Variants in ABCA13 observed in about 807,000 individuals in gnomAD.
ABCA13 encodes the protein ATP binding cassette subfamily A member 13.
A neutral mutation model predicts 478.7 loss-of-function variants in ABCA13; 476 were observed. That is an observed-to-expected ratio of 0.99 (90% CI 0.92 to 1.07). The LOEUF (loss-of-function observed/expected upper bound fraction) is 1.07, where lower values mean the gene tolerates loss of function less well. Among genes scored for constraint, ABCA13 ranks in the 50% least tolerant of loss-of-function variants. The probability of loss-of-function intolerance (pLI) is 0.00; values close to 1 mark genes in which losing one functional copy is unlikely to be tolerated. For synonymous variants in ABCA13, 2,252 were observed against 2,158.9 expected, an observed-to-expected ratio of 1.04 and a Z score of -1.20; for missense variants, 6,060 against 5,910.6, an observed-to-expected ratio of 1.03 and a Z score of -0.83.
intron 29 of ABCA13, among the ~76,000 whole-genome samples, chr7:48,345,158 TAA>T (rs1807871260): frequency 6.6e-6 from 1 of 152,232 alleles, no homozygotes; most frequent in African/African-American, 2.4e-5. Context: ...GATGTTGGTG[TAA>T]ACAAACCTAC....
Position 48,341,912 on chromosome 7 carries a change from TACTC to T in ABCA13, c.10204+3459_10204+3462del, listed in dbSNP as rs1199068115. Among the ~76,000 whole-genome samples the T allele has an allele frequency of 4.2e-4, 59 of 141,264 alleles. 1 individual carries two copies. The highest frequency in any genetic ancestry group is 1.5e-3 in the Admixed American group (21 of 14,160). 92.7% of individuals were successfully genotyped at this position (141,264 alleles called of 152,430 possible). The stretch of plus-strand genomic sequence containing the variant: ...TATATATATCTTTCTGATATATATA[TACTC>T]ATATATATATACTCATATATATATA... On this transcript the variant is annotated intron_variant, in intron 29 of 61. Transcript: ENST00000435803.
At chr7:48,366,441 A>C (rs1165596807) in intron 31 of ABCA13, among the ~76,000 whole-genome samples, 1 of 151,982 alleles carries the variant, frequency 6.6e-6, no homozygotes, top group Non-Finnish European at 1.5e-5. Context: ...GATATTATGC[A>C]TCTCTGTTTT....
intron 50 of ABCA13, among the ~76,000 whole-genome samples, chr7:48,510,174 A>T (rs542612833): frequency 1.7e-4 from 1 of 5,728 alleles, no homozygotes; most frequent in South Asian, 0.014. Context: ...AATGCGCAGG[A>T]TACAGTTGGC....
At chr7:48,252,991 C>T (rs1453996884) in intron 15 of ABCA13, among the ~76,000 whole-genome samples, 1 of 152,162 alleles carries the variant, frequency 6.6e-6, no homozygotes, top group Non-Finnish European at 1.5e-5. Flanking sequence ...TTTAAAGGCT[C>T]AGGGTCTTTT....
intron 55 of ABCA13, among the ~76,000 whole-genome samples, chr7:48,575,775 T>A (rs955151599): frequency 2.0e-5 from 3 of 152,198 alleles, no homozygotes; most frequent in African/African-American, 7.2e-5. Context: ...ACTTTCATTT[T>A]CACAACAGGA....
At chr7:48,593,834 G>C (rs1394456497) in intron 57 of ABCA13, among the ~76,000 whole-genome samples, 1 of 151,892 alleles carries the variant, frequency 6.6e-6, no homozygotes, top group Non-Finnish European at 1.5e-5. Context: ...GCTGGGTAAA[G>C]TAGGTAAAGT....
At chr7:48,364,890 G>A (rs758030386) in intron 31 of ABCA13, among the ~76,000 whole-genome samples, 9 of 152,020 alleles carry the variant, frequency 5.9e-5, no homozygotes, top group African/African-American at 9.7e-5. Context: ...ATATCTCTTC[G>A]ATATACTGAT....
intron 1 of ABCA13, among the ~76,000 whole-genome samples, chr7:48,179,157 G>T (rs1266385400): frequency 1.3e-5 from 2 of 152,006 alleles, no homozygotes; most frequent in African/African-American, 4.8e-5. Context: ...TTACAGGAAA[G>T]GTTTTAAAAA....
At chr7:48,237,021 T>C (rs949667988) in intron 8 of ABCA13, among the ~76,000 whole-genome samples, 1 of 151,198 alleles carries the variant, frequency 6.6e-6, no homozygotes, top group African/African-American at 2.4e-5. Context: ...GGTTTTTTTT[T>C]TTTTTTTTTT....
chr7:48,275,736 T>C lies in ABCA13; in HGVS notation c.6070T>C (p.Ser2024Pro). The C allele has an allele frequency of 6.2e-7, 1 of 1,606,480 alleles. No individual in the cohort carries two copies. The highest frequency in any genetic ancestry group is 8.5e-7 in the Non-Finnish European group (1 of 1,175,808). The change falls in exon 17 of 62, where the codon TCT (serine) becomes CCT (proline). Residue 2024 changes from serine (S) to proline (P), a missense_variant. Physicochemically the swap from Ser to Pro is moderately conservative, Grantham distance 74. This residue lies in a region of ABCA13 where 4,423 missense variants were observed against 4,309.1 expected (regional missense o/e 1.03). Coordinates refer to ENST00000435803, the MANE Select transcript of ABCA13 (RefSeq NM_152701.5). ...AGAAAAAAGTACGCATAATCTACTC[T>C]CTTTATTCATGATGCTCCAGAATGC... is the stretch of plus-strand genomic sequence containing the variant. ...SLEKSTHNLL[S>P]LFMMLQNANV...
intron 55 of ABCA13, among the ~76,000 whole-genome samples, chr7:48,543,930 T>G (rs1387322328): frequency 6.6e-6 from 1 of 151,700 alleles, no homozygotes; most frequent in Non-Finnish European, 1.5e-5. Flanking sequence ...ATTTTCCTTC[T>G]GGGAAATTTG....
chr7:48,489,707 G>C (rs1829672173), intron 48 of ABCA13, among the ~76,000 whole-genome samples: 1 of 152,142 alleles, frequency 6.6e-6, no homozygotes, highest in Non-Finnish European at 1.5e-5. Flanking sequence ...AATACAGACT[G>C]TCCCTCCTCC....
chr7:48,355,020 A>AGTAAATCAGTAAAGAAAATAG (rs536579474), intron 31 of ABCA13, among the ~76,000 whole-genome samples: 5,599 of 152,124 alleles, frequency 0.037, 139 homozygotes, highest in South Asian at 0.057. Flanking sequence ...AAAGAAAATA[A>AGTAAATCAGTAAAGAAAATAG]GTAAATCAGT....
chr7:48,407,270 TCGAGACCA>T (rs1181092729), intron 39 of ABCA13, among the ~76,000 whole-genome samples: 2 of 151,952 alleles, frequency 1.3e-5, no homozygotes, highest in Non-Finnish European at 2.9e-5. Context: ...GGTCAGGAGT[TCGAGACCA>T]GCCTGACCAA....
intron 58 of ABCA13, among the ~76,000 whole-genome samples, chr7:48,611,410 C>T (rs1366081080): frequency 6.6e-6 from 1 of 152,168 alleles, no homozygotes; most frequent in Non-Finnish European, 1.5e-5. Context: ...TTGCAATGCC[C>T]CTCTGTCTGT....
At chr7:48,187,463 A>T (rs994931420) in intron 1 of ABCA13, among the ~76,000 whole-genome samples, 5 of 152,000 alleles carry the variant, frequency 3.3e-5, no homozygotes, top group African/African-American at 1.2e-4. Context: ...TTTGAGGAAT[A>T]TCGTCAAAAA....
At chr7:48,550,178 A>G (rs1000676393) in intron 55 of ABCA13, among the ~76,000 whole-genome samples, 1 of 151,888 alleles carries the variant, frequency 6.6e-6, no homozygotes, top group African/African-American at 2.4e-5. Flanking sequence ...TATGCTTACC[A>G]CAAAGTAGCT....
intron 29 of ABCA13, among the ~76,000 whole-genome samples, chr7:48,344,880 T>C (rs1484225137): frequency 4.6e-5 from 7 of 152,194 alleles, no homozygotes; most frequent in African/African-American, 1.7e-4. Context: ...ATCTAGTCCA[T>C]TGTGCAGGAA....
chr7:48,556,551 G>T (rs1257190315), intron 55 of ABCA13, among the ~76,000 whole-genome samples: 1 of 151,898 alleles, frequency 6.6e-6, no homozygotes, highest in Non-Finnish European at 1.5e-5. Flanking sequence ...TTATCGTGAT[G>T]TAATGACCTT....
Sources: allele counts gnomAD v4.1 joint callset (sites outside exome capture counted in the v4.1 genomes callset), GRCh38; gene constraint gnomAD v4.1.1; regional missense constraint gnomAD v4.1.1; transcripts MANE v1.5; gene names NCBI Gene and HGNC (gene_info 2026-07-23, HGNC 2026-07-21).